Variants in COCH observed in about 807,000 individuals in gnomAD.
COCH encodes the protein cochlin, also known as coagulation factor C homolog, cochlin (Limulus polyphemus).
COCH carries 40 observed loss-of-function variants against 54.8 expected under a neutral mutation model. That is an observed-to-expected ratio of 0.73 (90% confidence interval 0.57 to 0.95). The LOEUF (loss-of-function observed/expected upper bound fraction) is 0.95. Among genes scored for constraint, COCH ranks in the 40% least tolerant of loss-of-function variants. The probability of loss-of-function intolerance (pLI) is 0.00; values close to 1 mark genes in which losing one functional copy is unlikely to be tolerated. For missense variants in COCH, 605 were observed against 675.0 expected, an observed-to-expected ratio of 0.90 and a Z score of 1.15; for synonymous variants, 256 against 237.9, an observed-to-expected ratio of 1.08 and a Z score of -0.70.
At chr14:30,882,128 T>TTTTTTG (rs1895625778) in intron 8 of COCH, among the ~76,000 whole-genome samples, 3 of 101,656 alleles carry the variant, frequency 3.0e-5, no homozygotes, top group Admixed American at 9.9e-5. Context: ...TGGTTTTTTT[T>TTTTTTG]TTTTTTTTTT....
At chr14:30,881,133 T>C (rs1237528645) in intron 8 of COCH, among the ~76,000 whole-genome samples, 1 of 149,656 alleles carries the variant, frequency 6.7e-6, no homozygotes, top group Non-Finnish European at 1.5e-5. Context: ...GAGAATCACT[T>C]GGACTCGGGA....
At chr14:30,876,329 CT>C (rs985127513) in intron 3 of COCH, 1 of 152,156 alleles carries the variant, frequency 6.6e-6, no homozygotes, top group Non-Finnish European at 1.5e-5. Flanking sequence ...AAAACTGATT[CT>C]TTGTTAGGTT....
At chr14:30,884,368 G>A (rs1671489485) in intron 8 of COCH, 185 bp from the exon 9 acceptor site, 2 of 587,904 alleles carry the variant, frequency 3.4e-6, no homozygotes, top group South Asian at 2.0e-5. Flanking sequence ...GCAATTATTT[G>A]TTACACCTCT....
intron 8 of COCH, among the ~76,000 whole-genome samples, chr14:30,883,746 C>T (rs546361966): frequency 8.5e-5 from 13 of 152,278 alleles, no homozygotes; most frequent in East Asian, 1.9e-4. Flanking sequence ...ATACTCAAAA[C>T]GGTCTCTGCT....
Position 30,886,077 on chromosome 14 carries a change from T to G in COCH, c.1242T>G (p.Asp414Glu). 1 of 1,614,226 alleles carries G rather than the reference T, an allele frequency of 6.2e-7. No individual in the cohort carries two copies. Among genetic ancestry groups the G allele is most frequent in the Non-Finnish European group, 8.5e-7 (1 of 1,180,042 alleles). Residue 414 changes from aspartate (D) to glutamate (E), a missense_variant, in exon 11 of 12, where the codon GAT becomes GAG. Transcript: ENST00000396618. ...TAGCTGCTGTACAGTTTACTTATGA[T>G]CAGCGCACGGAGTTCAGTTTCACTG... ...AKIAAVQFTY[D>E]QRTEFSFTDY...
Position 30,877,587 on chromosome 14 carries a change from CAT to C in COCH, c.99_100del (p.Cys34PhefsTer23). 1.2e-6 allele frequency: 2 copies of C among 1,614,238 alleles called. No individual in the cohort carries two copies. Among genetic ancestry groups the C allele is most frequent in the Non-Finnish European group, 8.5e-7 (1 of 1,180,038 alleles). The stretch of plus-strand genomic sequence containing the variant: ...TTTTCTTCAGCTCCCATTGCTATCA[CAT>C]GTTTTACCAGAGGCTTGGACATCAG... On this transcript the variant is annotated frameshift_variant, in exon 4 of 12. Transcript: ENST00000396618. LOFTEE classifies it high-confidence loss of function. The surrounding 1 kb of genome is among the most constrained non-coding windows in gnomAD (Gnocchi z 8.6).
At chr14:30,880,820 T>C (rs1895553820) in intron 8 of COCH, 86 bp downstream of exon 8, 4 of 995,736 alleles carry the variant, frequency 4.0e-6, no homozygotes, top group African/African-American at 3.3e-5. Flanking sequence ...ATGGGGTACA[T>C]AGTGATGTTT....
Position 30,882,120 on chromosome 14 carries a change from G to GTTTTTTTTTTTTTTTTTTTTTTT in COCH, c.629+1391_629+1413dup, listed in dbSNP as rs61175020. 4.4e-4 allele frequency among the ~76,000 whole-genome samples: 30 copies of GTTTTTTTTTTTTTTTTTTTTTTT among 67,914 alleles called. 4 individuals carry two copies. The highest frequency in any genetic ancestry group is 6.6e-4 in the African/African-American group (10 of 15,214). 44.6% of individuals were successfully genotyped at this position (67,914 alleles called of 152,430 possible). ...CCCTAGAGATAATCACTATAAAATG[G>GTTTTTTTTTTTTTTTTTTTTTTT]TTTTTTTTTTTTTTTTTTTTTTTTT... is the stretch of plus-strand genomic sequence containing the variant. On this transcript the variant is annotated intron_variant, in intron 8 of 11. Coordinates refer to ENST00000396618, the MANE Select transcript of COCH (RefSeq NM_004086.3).
intron 6 of COCH, among the ~76,000 whole-genome samples, chr14:30,879,843 T>A (rs1424978174): frequency 6.6e-6 from 1 of 150,622 alleles, no homozygotes; most frequent in Non-Finnish European, 1.5e-5. Context: ...TTATTTTTAT[T>A]TTTTTAGACA....
rs1687030618 is a variant in COCH, at chr14:30,889,907, T to C, written c.*116T>C. ...GAATCAGATACAAAACTATTAAGTA[T>C]GTCAACAGCCATTTAGGCAAATAAG... On this transcript the variant is annotated 3_prime_UTR_variant, in exon 12 of 12. Coordinates refer to ENST00000396618, the MANE Select transcript of COCH (RefSeq NM_004086.3). 6.9e-7 allele frequency: 1 copy of C among 1,446,408 alleles called. No individual in the cohort carries two copies. Among genetic ancestry groups the C allele is most frequent in the Non-Finnish European group, 9.1e-7 (1 of 1,100,818 alleles). 89.6% of individuals were successfully genotyped at this position (1,446,408 alleles called of 1,614,324 possible).
In COCH at chr14:30,877,366, T is replaced by C. The variant is rs1287611518; in HGVS notation, c.83-206T>C. ...CCAGAACTTTCACATTAGAGTTTTA[T>C]AGTGGCTGGGGACTATATTAAATTG... On this transcript the variant is annotated intron_variant, in intron 3 of 11. Transcript: ENST00000396618. This position sits in a 1 kb window ranked among gnomAD's most constrained non-coding sequence, Gnocchi z 8.6. 1.7e-6 allele frequency: 1 copy of C among 599,866 alleles called. No homozygotes were observed. The highest frequency in any genetic ancestry group is 3.1e-5 in the Admixed American group (1 of 32,784). The allele number at this position is 599,866 out of a possible 1,614,324, so 37.2% of individuals were successfully genotyped here.
downstream of COCH, among the ~76,000 whole-genome samples, chr14:30,892,588 G>C (rs911836043): frequency 5.3e-5 from 8 of 152,148 alleles, no homozygotes; most frequent in African/African-American, 1.9e-4. Flanking sequence ...TGGATCACCT[G>C]AGGTGACTCA....
intron 11 of COCH, among the ~76,000 whole-genome samples, chr14:30,886,743 A>C (rs1895803611): frequency 6.6e-6 from 1 of 152,232 alleles, no homozygotes; most frequent in Non-Finnish European, 1.5e-5. Context: ...TTGTGTATGA[A>C]ACAGGTAATT....
intron 8 of COCH, among the ~76,000 whole-genome samples, chr14:30,882,381 C>T (rs1169165513): frequency 2.0e-5 from 3 of 151,750 alleles, no homozygotes; most frequent in Non-Finnish European, 4.4e-5. Flanking sequence ...CCACCTGCCT[C>T]GGACTCCCAA....
intron 11 of COCH, among the ~76,000 whole-genome samples, chr14:30,888,953 C>G (rs1267145841): frequency 2.6e-5 from 4 of 152,042 alleles, no homozygotes; most frequent in Non-Finnish European, 5.9e-5. Context: ...GAAATTACTC[C>G]AGTTTCATAA....
downstream of COCH, among the ~76,000 whole-genome samples, chr14:30,890,969 G>C (rs569184720): frequency 3.2e-4 from 49 of 152,024 alleles, no homozygotes; most frequent in Middle Eastern, 3.4e-3. Context: ...AGCCGAGGAG[G>C]TCAAGGCTAC....
chr14:30,886,996 A>G (rs1895812776), intron 11 of COCH, among the ~76,000 whole-genome samples: 1 of 152,334 alleles, frequency 6.6e-6, no homozygotes, highest in South Asian at 2.1e-4. Context: ...TGCTGGGATT[A>G]CAGGCATAAG....
Position 30,890,049 on chromosome 14 carries a change from T to C in COCH, c.*258T>C. Reference sequence around the variant, plus strand: ...CTCAGGAAAGAGGAGATAATGTGGATTAAAACCTTAAGAGTTCTAACCATG... The same window carrying C: ...CTCAGGAAAGAGGAGATAATGTGGACTAAAACCTTAAGAGTTCTAACCATG... On this transcript the variant is annotated 3_prime_UTR_variant, in exon 12 of 12. Coordinates refer to ENST00000396618, the MANE Select transcript of COCH (RefSeq NM_004086.3). 8.5e-7 allele frequency: 1 copy of C among 1,173,350 alleles called. No individual in the cohort carries two copies. The highest frequency in any genetic ancestry group is 1.1e-6 in the Non-Finnish European group (1 of 945,372). 72.7% of individuals were successfully genotyped at this position (1,173,350 alleles called of 1,614,324 possible).
At chr14:30,892,435 AG>A (rs1340412463), downstream of COCH, among the ~76,000 whole-genome samples, 1 of 152,210 alleles carries the variant, frequency 6.6e-6, no homozygotes, top group African/African-American at 2.4e-5. Context: ...GAAACAGAAG[AG>A]GAGAAAAGTA....
Sources: gnomAD v4.1 joint callset for allele counts (sites outside exome capture counted in the v4.1 genomes callset) on GRCh38, gnomAD v4.1.1 for gene constraint, Gnocchi (gnomAD v3.1) non-coding constraint, MANE v1.5 for transcripts, NCBI Gene and HGNC (gene_info 2026-07-23, HGNC 2026-07-21) for gene names.